METTL15: variants seen among roughly 807,000 people sequenced by gnomAD.
The protein encoded by METTL15 is 12S rRNA N(4)-cytidine methyltransferase METTL15.
Under a neutral mutation model 38.3 loss-of-function variants are expected in METTL15, and 34 were observed. The observed-to-expected ratio is 0.89, with a 90% CI of 0.68 to 1.18. METTL15 has a LOEUF of 1.18. Ranked by LOEUF, METTL15 falls within the 50% of genes most tolerant of loss-of-function variation. METTL15 has a pLI of 0.00. For missense variants in METTL15, 438 were observed against 498.4 expected (o/e 0.88, Z 1.15); for synonymous variants, 162 against 170.9 (o/e 0.95, Z 0.41).
intron 4 of METTL15, among the ~76,000 whole-genome samples, chr11:28,284,527 G>A (rs1240381471): frequency 6.6e-6 from 1 of 152,080 alleles, no homozygotes; most frequent in Non-Finnish European, 1.5e-5. Flanking sequence ...TAAAAGGACT[G>A]TAGAAAATGC....
intron 3 of METTL15, among the ~76,000 whole-genome samples, chr11:28,154,417 T>G (rs775278645): frequency 4.6e-5 from 7 of 152,138 alleles, no homozygotes; most frequent in Non-Finnish European, 1.0e-4. Flanking sequence ...CAAGTCACTT[T>G]ATATCTTTGG....
intron 4 of METTL15, among the ~76,000 whole-genome samples, chr11:28,211,958 T>C (rs2133842040): frequency 6.6e-6 from 1 of 152,148 alleles, no homozygotes; most frequent in South Asian, 2.1e-4. Context: ...TGACTTGATG[T>C]GAACTGTAGT....
At chr11:28,310,368 A>ACG in intron 6 of METTL15, among the ~76,000 whole-genome samples, 2 of 151,932 alleles carry the variant, frequency 1.3e-5, no homozygotes, top group Non-Finnish European at 2.9e-5. Context: ...ACACACACAC[A>ACG]CACACACACG....
chr11:28,197,816 A>C (rs189953762), intron 3 of METTL15, among the ~76,000 whole-genome samples: 1 of 152,216 alleles, frequency 6.6e-6, no homozygotes, highest in East Asian at 1.9e-4. Flanking sequence ...TTGGAGGCCA[A>C]GTCATAGAAA....
chr11:28,119,574 A>G (rs1852122765), intron 3 of METTL15, among the ~76,000 whole-genome samples: 1 of 152,196 alleles, frequency 6.6e-6, no homozygotes, highest in South Asian at 2.1e-4. Flanking sequence ...AATAGTTTAA[A>G]TTTGCTAGGT....
intron 4 of METTL15, among the ~76,000 whole-genome samples, chr11:28,240,321 A>G (rs371522116): frequency 6.6e-6 from 1 of 152,216 alleles, no homozygotes; most frequent in African/African-American, 2.4e-5. Flanking sequence ...TAACAAAGTT[A>G]TATAATCTAG....
intron 3 of METTL15, among the ~76,000 whole-genome samples, chr11:28,177,328 TA>T (rs1162202774): frequency 1.3e-5 from 2 of 151,956 alleles, no homozygotes; most frequent in Non-Finnish European, 2.9e-5. Context: ...GTTAGATTTT[TA>T]AAAAAAGTAC....
chr11:28,521,394 A>G (rs1315745506), intron 6 of METTL15, among the ~76,000 whole-genome samples: 1 of 152,222 alleles, frequency 6.6e-6, no homozygotes, highest in Non-Finnish European at 1.5e-5. Context: ...GCACTATACC[A>G]TCTGCAGAAG....
chr11:28,278,524 A>AT (rs1400651488), intron 4 of METTL15, among the ~76,000 whole-genome samples: 1 of 152,170 alleles, frequency 6.6e-6, no homozygotes, highest in African/African-American at 2.4e-5. Flanking sequence ...TTAGTATCAG[A>AT]TATCTATCTC....
chr11:28,139,809 G>A (rs1193347620), intron 3 of METTL15, among the ~76,000 whole-genome samples: 1 of 152,024 alleles, frequency 6.6e-6, no homozygotes, highest in Non-Finnish European at 1.5e-5. Context: ...ACAGGGCCAT[G>A]TTAGAAAAGA....
intron 2 of METTL15, among the ~76,000 whole-genome samples, chr11:28,111,038 A>G (rs1015598861): frequency 2.0e-5 from 3 of 152,172 alleles, no homozygotes; most frequent in Non-Finnish European, 2.9e-5. Flanking sequence ...AGAGAAGAAT[A>G]TAATTTTCTT....
chr11:28,382,120 A>C (rs1850392649), intron 5 of METTL15, among the ~76,000 whole-genome samples: 1 of 152,096 alleles, frequency 6.6e-6, no homozygotes, highest in Admixed American at 6.5e-5. Context: ...GGTTTACTTC[A>C]GTTCTAGTAA....
chr11:28,155,443 C>T (rs2133729124), intron 3 of METTL15, among the ~76,000 whole-genome samples: 1 of 152,260 alleles, frequency 6.6e-6, no homozygotes, highest in South Asian at 2.1e-4. Context: ...TACTTTACAG[C>T]CTCAATAATG....
chr11:28,360,559 G>C (rs1160503643), intron 4 of METTL15, among the ~76,000 whole-genome samples: 1 of 152,074 alleles, frequency 6.6e-6, no homozygotes, highest in Non-Finnish European at 1.5e-5. Flanking sequence ...AGAAACTCAG[G>C]CTTGATTTTG....
chr11:28,151,899 A>T (rs1422004692), intron 3 of METTL15, among the ~76,000 whole-genome samples: 2 of 151,936 alleles, frequency 1.3e-5, no homozygotes, highest in African/African-American at 4.8e-5. Flanking sequence ...CCCCTCAATA[A>T]TTCTTTAATT....
chr11:28,531,288 A>T (rs939028640), downstream of METTL15, among the ~76,000 whole-genome samples: 9 of 152,040 alleles, frequency 5.9e-5, no homozygotes, highest in African/African-American at 2.2e-4. Flanking sequence ...TATTTTCTAC[A>T]CTATCTTTTC....
chr11:28,325,652 C>T (rs1849611970), intron 6 of METTL15, among the ~76,000 whole-genome samples: 1 of 152,114 alleles, frequency 6.6e-6, no homozygotes, highest in African/African-American at 2.4e-5. Flanking sequence ...CTCTGTGAAG[C>T]TTTTCAAAAG....
intron 5 of METTL15, among the ~76,000 whole-genome samples, chr11:28,423,829 G>A (rs1018277546): frequency 6.0e-5 from 9 of 151,062 alleles, no homozygotes; most frequent in African/African-American, 2.0e-4. Context: ...TAATTTAACT[G>A]TACATTTTAA....
chr11:28,271,137 G>A (rs191154986), intron 4 of METTL15, among the ~76,000 whole-genome samples: 3 of 152,050 alleles, frequency 2.0e-5, no homozygotes, highest in Non-Finnish European at 2.9e-5. Flanking sequence ...TAAACAGGCC[G>A]GACTGCAGAA....
Sources: gnomAD v4.1 joint callset for allele counts (sites outside exome capture counted in the v4.1 genomes callset) on GRCh38, gnomAD v4.1.1 for gene constraint, MANE v1.5 for transcripts, NCBI Gene and HGNC (gene_info 2026-07-23, HGNC 2026-07-21) for gene names.